The following ABCA13 variants were observed in gnomAD, a reference collection of about 807,000 sequenced individuals.
ABCA13 encodes ATP-binding cassette sub-family A member 13.
ABCA13 carries 476 observed loss-of-function variants against 478.7 expected under a neutral mutation model. The observed-to-expected ratio is 0.99, with a 90% confidence interval of 0.92 to 1.07. The LOEUF is 1.07. ABCA13 is among the 50% of genes least tolerant of loss of function. The pLI, the probability that ABCA13 is intolerant of heterozygous loss-of-function variation, is 0.00. For synonymous variants in ABCA13, 2,252 were observed against 2,158.9 expected (o/e 1.04, Z -1.20); for missense variants, 6,060 against 5,910.6 (o/e 1.03, Z -0.83).
rs56071738 is a variant in ABCA13, at chr7:48,624,532, C to CGTTGTTGTTGTT, written c.14837+9156_14837+9167dup. Among the ~76,000 whole-genome samples the CGTTGTTGTTGTT allele has an allele frequency of 6.7e-4, 100 of 150,342 alleles. 1 individual carries two copies. The highest frequency in any genetic ancestry group is 3.4e-3 in the Middle Eastern group (1 of 292). ...GGATAAAGGCTGTGTATTTTGTTGTCGTTGTTGTTGTTTTCTTTTTTCTTT... is the reference window on the plus strand; with the variant it reads ...GGATAAAGGCTGTGTATTTTGTTGTCGTTGTTGTTGTTGTTGTTGTTGTTTTCTTTTTTCTTT... On this transcript the variant is annotated intron_variant, in intron 59 of 61. Transcript: ENST00000435803.
chr7:48,486,536 C>G (rs564035408), intron 47 of ABCA13, among the ~76,000 whole-genome samples: 31 of 152,214 alleles, frequency 2.0e-4, no homozygotes, highest in African/African-American at 6.7e-4. Context: ...TCAATTGTCT[C>G]TTTGTCCCCC....
intron 3 of ABCA13, among the ~76,000 whole-genome samples, chr7:48,210,210 G>A (rs146556318): frequency 2.2e-4 from 34 of 152,252 alleles, no homozygotes; most frequent in African/African-American, 8.2e-4. Context: ...ATGGCGGCAG[G>A]AGAGAGAAGC....
chr7:48,345,003 C>T (rs1036972658), intron 29 of ABCA13, among the ~76,000 whole-genome samples: 2 of 152,112 alleles, frequency 1.3e-5, no homozygotes, highest in Admixed American at 1.3e-4. Flanking sequence ...GTAGTTAATG[C>T]CACATAATAA....
intron 48 of ABCA13, among the ~76,000 whole-genome samples, chr7:48,502,999 C>A (rs1201523259): frequency 6.6e-6 from 1 of 152,150 alleles, no homozygotes; most frequent in Non-Finnish European, 1.5e-5. Flanking sequence ...AATTTCTCAG[C>A]AAATGTTTAG....
At chr7:48,253,282 A>G (rs1212619049) in intron 15 of ABCA13, among the ~76,000 whole-genome samples, 1 of 152,140 alleles carries the variant, frequency 6.6e-6, no homozygotes, top group Admixed American at 6.6e-5. Flanking sequence ...TCTGTGCTCT[A>G]CATCAGGCAA....
Position 48,542,558 on chromosome 7 carries a change from G to A in ABCA13, c.14354+14213G>A, listed in dbSNP as rs537201397. Among the ~76,000 whole-genome samples, 13 of 151,540 alleles carry A rather than the reference G, an allele frequency of 8.6e-5. No homozygotes were observed. In the South Asian group the frequency reaches 2.5e-3, roughly 29 times the overall value. ...AGAAAAAATAATAAATACATTCAAG[G>A]CTATATAATATGAAAAACAATTACA... is the stretch of plus-strand genomic sequence containing the variant. On this transcript the variant is annotated intron_variant, in intron 55 of 61. Coordinates refer to ENST00000435803, the MANE Select transcript of ABCA13 (RefSeq NM_152701.5).
At chr7:48,562,113 A>C (rs201888931) in intron 55 of ABCA13, among the ~76,000 whole-genome samples, 2 of 99,922 alleles carry the variant, frequency 2.0e-5, no homozygotes, top group South Asian at 2.8e-4. Context: ...ATGGGGGGGG[A>C]GGTGGATACA....
Position 48,403,720 on chromosome 7 carries a change from A to G in ABCA13, c.11911A>G (p.Lys3971Glu), listed in dbSNP as rs764706680. The change falls in exon 39 of 62, where the codon AAA becomes GAA. Residue 3971 changes from lysine (K) to glutamate (E), a missense_variant. By Grantham distance (56) the Lys-to-Glu change is moderately conservative. Transcript: ENST00000435803. ...QDVDLTQHQH[K>E]QTRALSGGLK... ...TGTGGACTTAACTCAGCATCAGCACAAACAGACCCGAGCTCTGTCTGGAGG... is the reference window on the plus strand; with the variant it reads ...TGTGGACTTAACTCAGCATCAGCACGAACAGACCCGAGCTCTGTCTGGAGG... 6 of 1,613,916 alleles carry G rather than the reference A, an allele frequency of 3.7e-6. No individual in the cohort carries two copies. Among genetic ancestry groups the G allele is most frequent in the Non-Finnish European group, 5.1e-6 (6 of 1,179,896 alleles).
chr7:48,572,728 TTTAA>T (rs1787792282), intron 55 of ABCA13, among the ~76,000 whole-genome samples: 1 of 152,124 alleles, frequency 6.6e-6, no homozygotes, highest in Non-Finnish European at 1.5e-5. Context: ...ATTTGCCAGG[TTTAA>T]TTGTCAAGGA....
Position 48,489,328 on chromosome 7 carries a change from G to A in ABCA13, c.13275G>A (p.Val4425=). The change falls in exon 48 of 62, where the codon GTG becomes GTA. Residue 4425 remains valine, a synonymous_variant. Coordinates refer to ENST00000435803, the MANE Select transcript of ABCA13 (RefSeq NM_152701.5). The stretch of plus-strand genomic sequence containing the variant: ...TGTGGCAGCACCTACCCCCTACTGT[G>A]GACTGGAGACAATACGGTAATGTTA... ...LILWQHLPPT[V]DWRQYGITLY... 6.2e-7 allele frequency: 1 copy of A among 1,605,070 alleles called. No homozygotes were observed. The highest frequency in any genetic ancestry group is 8.5e-7 in the Non-Finnish European group (1 of 1,172,854).
intron 8 of ABCA13, among the ~76,000 whole-genome samples, chr7:48,235,727 C>T (rs575949092): frequency 1.1e-4 from 16 of 152,166 alleles, no homozygotes; most frequent in African/African-American, 2.7e-4. Context: ...ATGGCTGGGG[C>T]TCATGAATTA....
intron 10 of ABCA13, among the ~76,000 whole-genome samples, chr7:48,243,487 A>C (rs1294115507): frequency 6.6e-6 from 1 of 152,190 alleles, no homozygotes; most frequent in East Asian, 1.9e-4. Context: ...GCAGCCAGAA[A>C]GCCCAAGCAT....
chr7:48,574,502 T>C (rs2131336806), intron 55 of ABCA13, among the ~76,000 whole-genome samples: 1 of 152,228 alleles, frequency 6.6e-6, no homozygotes, highest in East Asian at 1.9e-4. Flanking sequence ...TGTGTCTTGA[T>C]TTCCCTCTTC....
chr7:48,598,106 C>T (rs1444037330), intron 58 of ABCA13, among the ~76,000 whole-genome samples: 1 of 152,166 alleles, frequency 6.6e-6, no homozygotes, highest in Non-Finnish European at 1.5e-5. Flanking sequence ...TTCATCTCTC[C>T]CTCCTGCCTA....
chr7:48,213,729 A>G (rs1400503570), intron 3 of ABCA13, among the ~76,000 whole-genome samples: 1 of 152,248 alleles, frequency 6.6e-6, no homozygotes, highest in Non-Finnish European at 1.5e-5. Flanking sequence ...TCACTGACTT[A>G]CCAACTAACT....
intron 35 of ABCA13, among the ~76,000 whole-genome samples, chr7:48,383,471 T>C (rs973472356): frequency 6.6e-6 from 1 of 152,214 alleles, no homozygotes; most frequent in Non-Finnish European, 1.5e-5. Context: ...CTTCCACTTA[T>C]ATCGAAGTGA....
At position 48,272,612 on chromosome 7, in the gene ABCA13, C is replaced by T. The variant is rs1394865398; in HGVS notation, c.2946C>T (p.Gly982=). 3.7e-6 allele frequency: 6 copies of T among 1,612,938 alleles called. No individual in the cohort carries two copies. Among genetic ancestry groups the T allele is most frequent in the Non-Finnish European group, 5.1e-6 (6 of 1,179,234 alleles). ...AATTATTGAATATTCAGAGTAGAGG[C>T]TCTTCGTTGACTTTCCTTACACAAA... ...IYELLNIQSR[G]SSLTFLTQIS... Residue 982 remains glycine (G), a synonymous_variant, in exon 17 of 62, where the codon GGC becomes GGT. Transcript: ENST00000435803.
intron 59 of ABCA13, among the ~76,000 whole-genome samples, chr7:48,630,856 G>C (rs1437551085): frequency 6.7e-6 from 1 of 149,836 alleles, no homozygotes; most frequent in Non-Finnish European, 1.5e-5. Flanking sequence ...ATCCTGACTC[G>C]TGTGAAATAG....
At chr7:48,479,859 G>A (rs1006519667) in intron 45 of ABCA13, among the ~76,000 whole-genome samples, 7 of 152,132 alleles carry the variant, frequency 4.6e-5, no homozygotes, top group African/African-American at 7.2e-5. Flanking sequence ...GTTCTTTCAT[G>A]TGTATCTGAA....
Sources: gnomAD v4.1 joint callset for allele counts (sites outside exome capture counted in the v4.1 genomes callset) on GRCh38, gnomAD v4.1.1 for gene constraint, MANE v1.5 for transcripts, NCBI Gene and HGNC (gene_info 2026-07-23, HGNC 2026-07-21) for gene names.